The following HNRNPR variants were observed in gnomAD, a reference collection of about 807,000 sequenced individuals.
The protein encoded by HNRNPR is heterogeneous nuclear ribonucleoprotein R.
In HNRNPR, 4 loss-of-function variants were observed where a neutral mutation model predicts 70.3. The observed-to-expected ratio is 0.06, with a 90% CI of 0.03 to 0.13. The LOEUF is 0.13. Ranked by LOEUF, HNRNPR falls within the 10% of genes least tolerant of loss-of-function variation. The pLI is 1.00. For synonymous variants in HNRNPR, 241 were observed against 267.6 expected, an observed-to-expected ratio of 0.90 and a Z score of 0.97; for missense variants, 423 against 788.5, an observed-to-expected ratio of 0.54 and a Z score of 5.55.
chr1:23,326,863 A>G (rs1403009200), intron 5 of HNRNPR, among the ~76,000 whole-genome samples: 1 of 152,156 alleles, frequency 6.6e-6, no homozygotes, highest in African/African-American at 2.4e-5. Flanking sequence ...CTGGTGATGC[A>G]ACTACCACCG....
At chr1:23,329,811 TA>T (rs1029672177) in intron 5 of HNRNPR, among the ~76,000 whole-genome samples, 22 of 152,238 alleles carry the variant, frequency 1.4e-4, no homozygotes, top group African/African-American at 5.3e-4. Flanking sequence ...TTTTATTTTT[TA>T]TAGAGACAGG....
intron 9 of HNRNPR, chr1:23,311,747 C>T (rs1200092344): frequency 6.3e-6 from 1 of 159,044 alleles, no homozygotes; most frequent in Admixed American, 6.2e-5. Flanking sequence ...TAGCATACAA[C>T]ATACAGGTCT....
rs1645760995 is a variant in HNRNPR at position 23,321,574 on chromosome 1, C to T, written c.765G>A (p.Lys255=). ...NNRLFVGSIP[K]NKTKENILEE... The stretch of plus-strand genomic sequence containing the variant: ...CCAAAATGTTTTCTTTAGTCTTATT[C>T]TTCGGAATGGATCCAACAAAAAGTC... Residue 255 remains lysine (K), a synonymous_variant, in exon 7 of 11, where the codon AAG becomes AAA. Coordinates refer to ENST00000302271, the MANE Select transcript of HNRNPR (RefSeq NM_005826.5). 2 of 1,613,602 alleles carry T rather than the reference C, an allele frequency of 1.2e-6. No homozygotes were observed. The highest frequency in any genetic ancestry group is 1.7e-6 in the Non-Finnish European group (2 of 1,179,614).
intron 8 of HNRNPR, among the ~76,000 whole-genome samples, chr1:23,316,028 T>C (rs1267287521): frequency 2.0e-5 from 3 of 152,250 alleles, no homozygotes; most frequent in Non-Finnish European, 4.4e-5. Context: ...AAGAGACATA[T>C]ATTTAGGCTT....
chr1:23,336,837 AG>A (rs1296023705), intron 4 of HNRNPR, among the ~76,000 whole-genome samples: 2 of 151,966 alleles, frequency 1.3e-5, no homozygotes, highest in African/African-American at 4.8e-5. Flanking sequence ...CTAAGGAATT[AG>A]GTTCACTGGT....
chr1:23,326,482 C>A (rs1194549491), intron 5 of HNRNPR, among the ~76,000 whole-genome samples: 4 of 152,140 alleles, frequency 2.6e-5, no homozygotes, highest in Admixed American at 6.6e-5. Flanking sequence ...CTTCTAATAA[C>A]CAAATTCAAG....
At chr1:23,340,204 C>G (rs1331929972) in intron 2 of HNRNPR, among the ~76,000 whole-genome samples, 1 of 152,038 alleles carries the variant, frequency 6.6e-6, no homozygotes, top group East Asian at 1.9e-4. Context: ...ACAACGCTCC[C>G]TAAGGGTAAA....
At chr1:23,313,385 T>C (rs1356026253) in intron 9 of HNRNPR, among the ~76,000 whole-genome samples, 168 bp downstream of exon 9, 2 of 152,140 alleles carry the variant, frequency 1.3e-5, no homozygotes, top group Admixed American at 1.3e-4. Context: ...GGCTTTGAAA[T>C]ATGGAGTCTT....
intron 8 of HNRNPR, among the ~76,000 whole-genome samples, chr1:23,316,744 C>G (rs975709036): frequency 2.0e-5 from 3 of 152,058 alleles, no homozygotes; most frequent in African/African-American, 7.2e-5. Context: ...TACCCAAAGT[C>G]ATAGTTGTAT....
At chr1:23,334,717 C>T (rs564595911) in intron 4 of HNRNPR, among the ~76,000 whole-genome samples, 1 of 152,120 alleles carries the variant, frequency 6.6e-6, no homozygotes, top group East Asian at 1.9e-4. Context: ...TAAGTAAAAT[C>T]TTGTGTTTCC....
chr1:23,334,931 T>G (rs935504909), intron 4 of HNRNPR, among the ~76,000 whole-genome samples: 2 of 152,090 alleles, frequency 1.3e-5, no homozygotes, highest in African/African-American at 4.8e-5. Context: ...TGGTTTTTTT[T>G]TTTTGAGACG....
chr1:23,318,803 TGA>T lies in HNRNPR; in HGVS notation c.812-117_812-116del. The T allele has an allele frequency of 1.2e-6, 1 of 845,908 alleles. No homozygotes were observed. The highest frequency in any genetic ancestry group is 2.6e-5 in the East Asian group (1 of 37,764). The allele number at this position is 845,908 out of a possible 1,614,324, so 52.4% of individuals were successfully genotyped here. On this transcript the variant is annotated intron_variant, in intron 7 of 10. Transcript: ENST00000302271. This position sits in a 1 kb window ranked among gnomAD's most constrained non-coding sequence, Gnocchi z 4.2. ...AAATATAAGTGAAGCAGCCTCAACA[TGA>T]GTCACTAATTTTGTAGACAATTAGA...
chr1:23,317,780 G>A (rs935213867), intron 8 of HNRNPR, among the ~76,000 whole-genome samples: 14 of 151,934 alleles, frequency 9.2e-5, no homozygotes, highest in Admixed American at 1.3e-4. Context: ...TTAGGAGTTC[G>A]AGACCAGCCT....
intron 4 of HNRNPR, among the ~76,000 whole-genome samples, chr1:23,335,784 A>T (rs1646449233): frequency 1.3e-5 from 2 of 152,212 alleles, no homozygotes; most frequent in South Asian, 4.1e-4. Flanking sequence ...TGTAATAATA[A>T]TAGAAATAAC....
intron 5 of HNRNPR, 71 bp from the exon 6 acceptor site, chr1:23,323,803 T>A: frequency 7.9e-7 from 1 of 1,266,692 alleles, no homozygotes; most frequent in Non-Finnish European, 1.1e-6. Context: ...CTACTGCCTT[T>A]TTTTTTTAAA....
At chr1:23,336,495 C>T (rs548241026) in intron 4 of HNRNPR, among the ~76,000 whole-genome samples, 1 of 147,500 alleles carries the variant, frequency 6.8e-6, no homozygotes, top group Admixed American at 7.0e-5. Flanking sequence ...TGGCGTGAAC[C>T]CAGGAGGCAG....
intron 5 of HNRNPR, among the ~76,000 whole-genome samples, chr1:23,331,032 T>A (rs1159353385): frequency 2.6e-5 from 4 of 152,130 alleles, no homozygotes; most frequent in Non-Finnish European, 5.9e-5. Flanking sequence ...AACTTTAACT[T>A]TATGAGAGAA....
intron 4 of HNRNPR, among the ~76,000 whole-genome samples, chr1:23,334,234 C>CTTTT (rs35129252): frequency 3.8e-5 from 4 of 105,198 alleles, no homozygotes; most frequent in Non-Finnish European, 7.3e-5. Context: ...TTCTAGTGTA[C>CTTTT]TTTTTTTTTT....
intron 5 of HNRNPR, among the ~76,000 whole-genome samples, chr1:23,333,237 T>C (rs1042635229): frequency 2.6e-5 from 4 of 152,122 alleles, no homozygotes; most frequent in Non-Finnish European, 5.9e-5. Flanking sequence ...CAAATAACTT[T>C]ACTCCAAGTA....
Sources: gnomAD v4.1 joint callset for allele counts (sites outside exome capture counted in the v4.1 genomes callset) on GRCh38, gnomAD v4.1.1 for gene constraint, Gnocchi (gnomAD v3.1) non-coding constraint, MANE v1.5 for transcripts, NCBI Gene and HGNC (gene_info 2026-07-23, HGNC 2026-07-21) for gene names.